The following RICTOR variants were observed in gnomAD, a reference collection of about 807,000 sequenced individuals.
RICTOR encodes RPTOR independent companion of MTOR complex 2, also known as rapamycin-insensitive companion of mTOR.
RICTOR carries 49 observed loss-of-function variants against 214.9 expected under a neutral mutation model. The ratio of observed to expected loss-of-function variants is 0.23; its 90% CI spans 0.18 to 0.29. The LOEUF (loss-of-function observed/expected upper bound fraction) is 0.29, where lower values mean the gene tolerates loss of function less well. Ranked by LOEUF, RICTOR falls within the 10% of genes least tolerant of loss-of-function variation. The pLI, the probability that RICTOR is intolerant of heterozygous loss-of-function variation, is 1.00. For missense variants in RICTOR, 1,625 were observed against 2,047.0 expected, an observed-to-expected ratio of 0.79 and a Z score of 3.98; for synonymous variants, 717 against 711.3, an observed-to-expected ratio of 1.01 and a Z score of -0.13.
rs1750817560 is a variant in RICTOR at position 38,971,883 on chromosome 5, T to C, written c.966A>G (p.Glu322=). ...LIGVLCIPNM[E]IRRGLLEVLY... is the part of the protein sequence containing the mutation. The stretch of plus-strand genomic sequence containing the variant: ...CCTAATAACTTTTACCTACCCTTAT[T>C]TCCATATTTGGTATGCAAAGTACTC... The change falls in exon 11 of 38, where the codon GAA becomes GAG. Residue 322 remains glutamate, a synonymous_variant. Transcript: ENST00000357387. 1.5e-6 allele frequency: 2 copies of C among 1,355,980 alleles called. No individual in the cohort carries two copies. Among genetic ancestry groups the C allele is most frequent in the Non-Finnish European group, 2.1e-6 (2 of 950,014 alleles). The allele number at this position is 1,355,980 out of a possible 1,614,324, so 84.0% of individuals were successfully genotyped here. A position where few individuals can be genotyped will look rare whatever the true frequency, so the allele number is the denominator to read the frequency against.
intron 2 of RICTOR, among the ~76,000 whole-genome samples, chr5:39,024,488 G>C (rs970377536): frequency 6.6e-6 from 1 of 152,084 alleles, no homozygotes; most frequent in Non-Finnish European, 1.5e-5. Flanking sequence ...CAAGTCAATG[G>C]CATTAAGATG....
At chr5:39,056,629 CCT>C (rs1354456519) in intron 2 of RICTOR, among the ~76,000 whole-genome samples, 1 of 151,204 alleles carries the variant, frequency 6.6e-6, no homozygotes. Context: ...AAAGCGAGAC[CCT>C]GTCTCAAAAA....
chr5:39,039,771 C>T (rs1259483625), intron 2 of RICTOR, among the ~76,000 whole-genome samples: 1 of 152,126 alleles, frequency 6.6e-6, no homozygotes, highest in Non-Finnish European at 1.5e-5. Context: ...AATGAGATAC[C>T]ATCTCATACC....
At chr5:38,995,859 G>T (rs1036085980) in intron 6 of RICTOR, among the ~76,000 whole-genome samples, 8 of 152,126 alleles carry the variant, frequency 5.3e-5, no homozygotes, top group Non-Finnish European at 8.8e-5. Context: ...TATAACAAGA[G>T]TCTCCTAATC....
At chr5:38,990,156 C>G (rs1374705826) in intron 7 of RICTOR, among the ~76,000 whole-genome samples, 1 of 152,088 alleles carries the variant, frequency 6.6e-6, no homozygotes, top group Non-Finnish European at 1.5e-5. Context: ...GAATACTATG[C>G]AGCCATTAAA....
chr5:38,960,742 A>G (rs1010456694), intron 19 of RICTOR, among the ~76,000 whole-genome samples: 1 of 14,550 alleles, frequency 6.9e-5, no homozygotes, highest in Non-Finnish European at 3.1e-4. Context: ...TGTAGTTCCC[A>G]TAATCCCCAC....
chr5:39,059,451 G>A (rs1758400574), intron 2 of RICTOR, among the ~76,000 whole-genome samples: 1 of 152,034 alleles, frequency 6.6e-6, no homozygotes, highest in South Asian at 2.1e-4. Flanking sequence ...TTCCCCATGT[G>A]TTCAATTTGT....
chr5:39,053,753 G>A (rs531097221), intron 2 of RICTOR, among the ~76,000 whole-genome samples: 3 of 146,014 alleles, frequency 2.1e-5, no homozygotes, highest in African/African-American at 8.0e-5. Flanking sequence ...TTAGCCGGGC[G>A]AGGTGGCGGG....
At chr5:38,979,942 CTGTG>C (rs768194745) in intron 8 of RICTOR, among the ~76,000 whole-genome samples, 11 of 152,234 alleles carry the variant, frequency 7.2e-5, no homozygotes, top group Non-Finnish European at 1.3e-4. Context: ...CTGTGCTTTA[CTGTG>C]TGTATTAACA....
At chr5:38,981,087 A>T (rs1751685050) in intron 8 of RICTOR, 1 of 152,196 alleles carries the variant, frequency 6.6e-6, no homozygotes, top group Non-Finnish European at 1.5e-5. Context: ...CAATTTTATA[A>T]TGTGAAGCAT....
chr5:39,025,952 C>T (rs1755786845), intron 2 of RICTOR, among the ~76,000 whole-genome samples: 2 of 152,116 alleles, frequency 1.3e-5, no homozygotes, highest in Admixed American at 6.6e-5. Flanking sequence ...AGTGAGCAAG[C>T]TGAGATTGAC....
chr5:39,021,288 G>T, intron 2 of RICTOR, 152 bp from the exon 3 acceptor site: 1 of 622,450 alleles, frequency 1.6e-6, no homozygotes. Context: ...TGACTTCAAA[G>T]TCTGTGACGA....
intron 5 of RICTOR, among the ~76,000 whole-genome samples, chr5:39,001,754 G>A (rs766234124): frequency 1.3e-5 from 2 of 151,962 alleles, no homozygotes; most frequent in African/African-American, 4.8e-5. Context: ...ACCAGCAAAT[G>A]AAAAGTGCCT....
chr5:39,035,785 A>T (rs140662320), intron 2 of RICTOR, among the ~76,000 whole-genome samples: 1 of 152,048 alleles, frequency 6.6e-6, no homozygotes, highest in African/African-American at 2.4e-5. Context: ...AAAAAGAAAC[A>T]AACAAAGCCT....
At chr5:39,028,619 A>T (rs1285110570) in intron 2 of RICTOR, among the ~76,000 whole-genome samples, 1 of 152,252 alleles carries the variant, frequency 6.6e-6, no homozygotes, top group East Asian at 1.9e-4. Context: ...ATATACTTGT[A>T]CAAGAATATT....
At position 38,967,810 on chromosome 5, in the gene RICTOR, A is replaced by T. The variant is rs554286456; in HGVS notation, c.1060+133T>A. On this transcript the variant is annotated intron_variant, in intron 12 of 37. Transcript: ENST00000357387. Reference sequence around the variant, plus strand: ...GAACTTGAGGTTTTATTTTTATATTAATTTCCTGTCACAATTATGCAGCAA... The same window carrying T: ...GAACTTGAGGTTTTATTTTTATATTTATTTCCTGTCACAATTATGCAGCAA... The T allele has an allele frequency of 1.6e-5, 9 of 556,032 alleles. No homozygotes were observed. In the South Asian group the frequency reaches 2.1e-4, roughly 13 times the overall value. The allele number at this position is 556,032 out of a possible 1,614,324, so 34.4% of individuals were successfully genotyped here.
chr5:38,938,478 T>C lies in RICTOR; in HGVS notation c.*3826A>G, dbSNP rs1298305588. On this transcript the variant is annotated 3_prime_UTR_variant, in exon 38 of 38. Coordinates refer to ENST00000357387, the MANE Select transcript of RICTOR (RefSeq NM_152756.5). Reference sequence around the variant, plus strand: ...GCAAAATTGAAAGGTATGCTTTTTTTGGCATAAATTATATTTTTGAAATTA... The same window carrying C: ...GCAAAATTGAAAGGTATGCTTTTTTCGGCATAAATTATATTTTTGAAATTA... 1.3e-5 allele frequency: 3 copies of C among 232,146 alleles called. No homozygotes were observed. Among genetic ancestry groups the C allele is most frequent in the Non-Finnish European group, 2.6e-5 (3 of 117,188 alleles). 14.4% of individuals were successfully genotyped at this position (232,146 alleles called of 1,614,324 possible).
chr5:38,954,389 T>C (rs1749057713), intron 27 of RICTOR, among the ~76,000 whole-genome samples: 1 of 151,850 alleles, frequency 6.6e-6, no homozygotes, highest in Non-Finnish European at 1.5e-5. Flanking sequence ...CAAGGATAAC[T>C]TAATCTGTAT....
At chr5:38,975,729 A>ATGATACTG in intron 9 of RICTOR, 125 bp from the exon 10 acceptor site, 1 of 522,656 alleles carries the variant, frequency 1.9e-6, no homozygotes, top group South Asian at 3.5e-5. Flanking sequence ...TAAAATTAAA[A>ATGATACTG]CAAGACAAAG....
Sources: gnomAD v4.1 joint callset for allele counts (sites outside exome capture counted in the v4.1 genomes callset) on GRCh38, gnomAD v4.1.1 for gene constraint, MANE v1.5 for transcripts, NCBI Gene and HGNC (gene_info 2026-07-23, HGNC 2026-07-21) for gene names.